Variants in ANGPT1 observed in about 807,000 individuals in gnomAD.
ANGPT1 encodes angiopoietin 1.
In ANGPT1, 17 loss-of-function variants were observed where a neutral mutation model predicts 62.2. That is an observed-to-expected ratio of 0.27 (90% CI 0.19 to 0.41). ANGPT1 has a LOEUF of 0.41. ANGPT1 is among the 10% of genes least tolerant of loss of function. The probability of loss-of-function intolerance (pLI) is 1.00; values close to 1 mark genes in which losing one functional copy is unlikely to be tolerated. For synonymous variants in ANGPT1, 199 were observed against 198.9 expected (o/e 1.00, Z 0.00); for missense variants, 478 against 594.9 (o/e 0.80, Z 2.04).
At chr8:107,417,650 G>T (rs891028789) in intron 1 of ANGPT1, among the ~76,000 whole-genome samples, 1 of 152,078 alleles carries the variant, frequency 6.6e-6, no homozygotes, top group Non-Finnish European at 1.5e-5. Flanking sequence ...GTTAAATGGG[G>T]CTTATCTCAT....
chr8:107,399,257 C>A (rs1816996191), intron 1 of ANGPT1, among the ~76,000 whole-genome samples: 1 of 152,114 alleles, frequency 6.6e-6, no homozygotes, highest in South Asian at 2.1e-4. Context: ...CCATCATCAA[C>A]AACAGTCTTT....
At chr8:107,292,190 C>T (rs1814294776) in intron 6 of ANGPT1, among the ~76,000 whole-genome samples, 1 of 152,144 alleles carries the variant, frequency 6.6e-6, no homozygotes, top group African/African-American at 2.4e-5. Context: ...ACTAAAATAG[C>T]TATCAGGTTT....
chr8:107,294,138 T>TG, intron 5 of ANGPT1, 101 bp from the exon 6 acceptor site: 3 of 813,896 alleles, frequency 3.7e-6, no homozygotes, highest in South Asian at 2.1e-5. Flanking sequence ...GGTCTGCAGA[T>TG]TACAAAAACC....
intron 1 of ANGPT1, among the ~76,000 whole-genome samples, chr8:107,385,954 C>A (rs1441915469): frequency 1.3e-5 from 2 of 151,940 alleles, no homozygotes; most frequent in Non-Finnish European, 2.9e-5. Flanking sequence ...ATATGTTAAA[C>A]CAACCTGTGT....
chr8:107,445,651 A>G (rs1811597187), intron 1 of ANGPT1, among the ~76,000 whole-genome samples: 2 of 152,318 alleles, frequency 1.3e-5, no homozygotes, highest in South Asian at 2.1e-4. Context: ...TCTAGCCAAG[A>G]GTCCTGCTGG....
At chr8:107,325,145 CA>C (rs1335391860) in intron 3 of ANGPT1, among the ~76,000 whole-genome samples, 1 of 151,864 alleles carries the variant, frequency 6.6e-6, no homozygotes, top group Non-Finnish European at 1.5e-5. Flanking sequence ...CAAACAAAAA[CA>C]AAAAACTTCT....
intron 5 of ANGPT1, among the ~76,000 whole-genome samples, chr8:107,296,720 G>A (rs577042947): frequency 1.1e-4 from 16 of 152,084 alleles, no homozygotes; most frequent in South Asian, 1.0e-3. Context: ...AAATTTTATC[G>A]TGCCCTGACT....
intron 1 of ANGPT1, among the ~76,000 whole-genome samples, chr8:107,409,445 T>C (rs1390751430): frequency 6.6e-6 from 1 of 152,134 alleles, no homozygotes; most frequent in Non-Finnish European, 1.5e-5. Flanking sequence ...TCGCTCCAGG[T>C]CCCACAGTCC....
At position 107,268,406 on chromosome 8, in the gene ANGPT1, T is replaced by TGTG. The variant is rs1554577240; in HGVS notation, c.1206-4056_1206-4055insCAC. Among the ~76,000 whole-genome samples the TGTG allele has an allele frequency of 2.8e-5, 4 of 144,648 alleles. No individual in the cohort carries two copies. The South Asian group carries it at 6.7e-4, about 24-fold the overall frequency. 94.9% of individuals were successfully genotyped at this position (144,648 alleles called of 152,430 possible). On this transcript the variant is annotated intron_variant, in intron 7 of 8. Transcript: ENST00000517746. ...ATAATTAAAAAATACACATGTAGGGTTGTGTGTGTGTGTGTGTGTGTGTGT... is the reference window on the plus strand; with the variant it reads ...ATAATTAAAAAATACACATGTAGGGTGTGTGTGTGTGTGTGTGTGTGTGTGTGT...
chr8:107,398,265 A>G (rs1816975142), intron 1 of ANGPT1, among the ~76,000 whole-genome samples: 1 of 152,154 alleles, frequency 6.6e-6, no homozygotes, highest in Non-Finnish European at 1.5e-5. Flanking sequence ...AGTTTTTGTT[A>G]GTGGGTGATA....
chr8:107,429,670 G>T (rs1236393993), intron 1 of ANGPT1, among the ~76,000 whole-genome samples: 1 of 133,504 alleles, frequency 7.5e-6, no homozygotes, highest in Non-Finnish European at 1.6e-5. Flanking sequence ...AAAAAAAAAA[G>T]TCGACTCTGC....
chr8:107,309,752 A>G (rs993220092), intron 4 of ANGPT1, among the ~76,000 whole-genome samples: 69 of 152,312 alleles, frequency 4.5e-4, no homozygotes, highest in African/African-American at 1.6e-3. Flanking sequence ...GCATATGCAT[A>G]CAAACCTAAA....
intron 1 of ANGPT1, among the ~76,000 whole-genome samples, chr8:107,445,384 C>T (rs1263128997): frequency 6.6e-6 from 1 of 152,086 alleles, no homozygotes; most frequent in Non-Finnish European, 1.5e-5. Context: ...TTATTTTTGT[C>T]CCTTGGAAAT....
chr8:107,377,658 C>T (rs1451348793), intron 1 of ANGPT1, among the ~76,000 whole-genome samples: 1 of 152,184 alleles, frequency 6.6e-6, no homozygotes, highest in African/African-American at 2.4e-5. Flanking sequence ...CAGAGCCTAC[C>T]TTGTGATGTA....
intron 4 of ANGPT1, among the ~76,000 whole-genome samples, chr8:107,316,996 A>G (rs1483835983): frequency 6.6e-6 from 1 of 152,204 alleles, no homozygotes; most frequent in Non-Finnish European, 1.5e-5. Flanking sequence ...ACACGTGGAA[A>G]GCCTAAGCAA....
intron 3 of ANGPT1, among the ~76,000 whole-genome samples, chr8:107,328,904 ATATC>A (rs1393082319): frequency 1.1e-4 from 17 of 152,074 alleles, no homozygotes; most frequent in African/African-American, 3.4e-4. Flanking sequence ...GATAAATTAT[ATATC>A]TATTAACATA....
At chr8:107,315,541 C>G (rs16876021) in intron 4 of ANGPT1, among the ~76,000 whole-genome samples, 43,911 of 151,986 alleles carry the variant, frequency 0.29, 7,551 homozygotes, top group Admixed American at 0.39. Context: ...GCTTACTTGC[C>G]ACTGAAAAGA....
intron 6 of ANGPT1, among the ~76,000 whole-genome samples, chr8:107,289,570 G>T (rs4324901): frequency 0.28 from 42,693 of 151,932 alleles, 7,303 homozygotes; most frequent in Admixed American, 0.39. Flanking sequence ...ATGCTGAGAC[G>T]TGCAACTCAA....
intron 1 of ANGPT1, among the ~76,000 whole-genome samples, chr8:107,387,787 GT>G (rs139070016): frequency 0.48 from 72,134 of 151,010 alleles, 19,033 homozygotes; most frequent in Middle Eastern, 0.59. Context: ...CTCTACCTAG[GT>G]TTTTTTTTAA....
Sources: gnomAD v4.1 joint callset for allele counts (sites outside exome capture counted in the v4.1 genomes callset) on GRCh38, gnomAD v4.1.1 for gene constraint, MANE v1.5 for transcripts, NCBI Gene and HGNC (gene_info 2026-07-23, HGNC 2026-07-21) for gene names.